The following ZFP64 variants were observed in gnomAD, a reference collection of about 807,000 sequenced individuals.
ZFP64 encodes ZFP64 zinc finger protein, also known as zinc finger protein 64.
In ZFP64, 14 loss-of-function variants were observed where a neutral mutation model predicts 51.6. The ratio of observed to expected loss-of-function variants is 0.27; its 90% confidence interval spans 0.18 to 0.42. The LOEUF is 0.42. ZFP64 is among the 10% of genes least tolerant of loss of function. The probability of loss-of-function intolerance (pLI) is 1.00; values close to 1 mark genes in which losing one functional copy is unlikely to be tolerated. For synonymous variants in ZFP64, 375 were observed against 361.4 expected, an observed-to-expected ratio of 1.04 and a Z score of -0.43; for missense variants, 754 against 906.8, an observed-to-expected ratio of 0.83 and a Z score of 2.16.
chr20:52,098,694 A>C, intron 5 of ZFP64: 1 of 1,444,032 alleles, frequency 6.9e-7, no homozygotes, highest in Non-Finnish European at 9.4e-7. Flanking sequence ...CCTTTCCAGA[A>C]AAAATTTAAA....
At chr20:52,145,655 A>G (rs965226047) in intron 5 of ZFP64, among the ~76,000 whole-genome samples, 3 of 152,186 alleles carry the variant, frequency 2.0e-5, no homozygotes, top group Non-Finnish European at 2.9e-5. Context: ...AAAACAAAAC[A>G]AAACAAAAGT....
rs116660904 is a variant in ZFP64 at position 52,183,145 on chromosome 20, G to A, written c.286+3687C>T. On this transcript the variant is annotated intron_variant, in intron 2 of 5. Transcript: ENST00000216923. ...CATCATGGCTGCTGCAATATAGAGGGGAGAGAAGGGGATTGTCCCCAGGAA... is the reference window on the plus strand; with the variant it reads ...CATCATGGCTGCTGCAATATAGAGGAGAGAGAAGGGGATTGTCCCCAGGAA... Among the ~76,000 whole-genome samples, 1,293 of 152,250 alleles carry A rather than the reference G, an allele frequency of 8.5e-3. 22 individuals are homozygous for A. The highest frequency in any genetic ancestry group is 0.03 in the African/African-American group (1,229 of 41,536).
intron 7 of ZFP64, among the ~76,000 whole-genome samples, chr20:52,090,047 G>A (rs1486400089): frequency 1.3e-5 from 2 of 152,078 alleles, no homozygotes; most frequent in South Asian, 2.1e-4. Context: ...AGGACAAGGG[G>A]GAAAAGACGC....
intron 5 of ZFP64, among the ~76,000 whole-genome samples, chr20:52,158,708 AAAAG>A (rs1326235159): frequency 4.6e-5 from 7 of 151,994 alleles, no homozygotes; most frequent in African/African-American, 1.2e-4. Context: ...TCCATCTCAA[AAAAG>A]AAAGAAAGAA....
At chr20:52,181,691 T>C (rs1014430358) in intron 2 of ZFP64, among the ~76,000 whole-genome samples, 6 of 152,080 alleles carry the variant, frequency 3.9e-5, no homozygotes, top group African/African-American at 1.2e-4. Context: ...CTGGCTGAGA[T>C]CCGGAATCCC....
At chr20:52,124,416 G>C (rs1192136213) in intron 5 of ZFP64, among the ~76,000 whole-genome samples, 1 of 151,946 alleles carries the variant, frequency 6.6e-6, no homozygotes, top group Non-Finnish European at 1.5e-5. Flanking sequence ...TGAAATCTTT[G>C]AATTTTTTTT....
chr20:52,172,679 G>A (rs2038431), intron 2 of ZFP64, among the ~76,000 whole-genome samples: 45,158 of 151,576 alleles, frequency 0.3, 7,033 homozygotes, highest in East Asian at 0.43. Context: ...CACCGAGAAT[G>A]CAGCACGGGC....
intron 5 of ZFP64, among the ~76,000 whole-genome samples, chr20:52,140,510 T>C (rs1483117209): frequency 6.6e-6 from 1 of 152,220 alleles, no homozygotes; most frequent in Non-Finnish European, 1.5e-5. Flanking sequence ...AGCCACGACA[T>C]TGTCTTCAGC....
Position 52,085,292 on chromosome 20 carries a change from T to C in ZFP64, c.1229-26A>G, listed in dbSNP as rs1213861822. 3.2e-6 allele frequency: 5 copies of C among 1,579,100 alleles called. No individual in the cohort carries two copies. The highest frequency in any genetic ancestry group is 2.3e-5 in the East Asian group (1 of 44,360). On this transcript the variant is annotated intron_variant, in intron 8 of 8. Transcript: ENST00000361387. The surrounding 1 kb of genome is among the most constrained non-coding windows in gnomAD (Gnocchi z 4.3). ...CTAGCAATGGAAGGTGTGTTTCCAT[T>C]AGAACAGGCAGGCAAAACAGACCCT...
chr20:52,166,876 CA>C (rs962343295), intron 2 of ZFP64, among the ~76,000 whole-genome samples: 1 of 151,736 alleles, frequency 6.6e-6, no homozygotes, highest in Non-Finnish European at 1.5e-5. Context: ...AATGAAACAC[CA>C]AAAAGGAACG....
chr20:52,096,892 G>GA (rs558659752), intron 7 of ZFP64: 169 of 354,388 alleles, frequency 4.8e-4, no homozygotes, highest in African/African-American at 3.5e-3. Flanking sequence ...CTGTCTCAGA[G>GA]AAAAAAACAA....
chr20:52,160,745 A>G lies in ZFP64; in HGVS notation c.512-371T>C, dbSNP rs1159200105. ...TTTTCACAACAGAGATGCACCGTAA[A>G]ATTTAGAATACCTAAGTTTCAGCAG... is the stretch of plus-strand genomic sequence containing the variant. On this transcript the variant is annotated intron_variant, in intron 4 of 5. Transcript: ENST00000216923. This position sits in a 1 kb window ranked among gnomAD's most constrained non-coding sequence, Gnocchi z 4.2. Among the ~76,000 whole-genome samples the G allele has an allele frequency of 6.6e-6, 1 of 152,138 alleles. No individual in the cohort carries two copies. The highest frequency in any genetic ancestry group is 1.5e-5 in the Non-Finnish European group (1 of 68,022).
At chr20:52,165,393 A>G (rs1982171244) in intron 3 of ZFP64, 1 of 453,886 alleles carries the variant, frequency 2.2e-6, no homozygotes, top group Non-Finnish European at 4.4e-6. Context: ...CTATACTTGT[A>G]TATATATTTG....
At chr20:52,178,800 T>A (rs1442169704) in intron 2 of ZFP64, among the ~76,000 whole-genome samples, 2 of 152,142 alleles carry the variant, frequency 1.3e-5, no homozygotes, top group African/African-American at 4.8e-5. Flanking sequence ...CCCCCTGACT[T>A]TCCCAGTTGG....
Position 52,104,957 on chromosome 20 carries a change from T to C in ZFP64, c.764-6370A>G, listed in dbSNP as rs570149566. The C allele has an allele frequency of 2.8e-4, 204 of 723,858 alleles. 2 individuals are homozygous for C. The South Asian group carries it at 3.7e-3, about 13-fold the overall frequency. The allele number at this position is 723,858 out of a possible 1,614,324, so 44.8% of individuals were successfully genotyped here. On this transcript the variant is annotated intron_variant, in intron 5 of 8. Coordinates refer to the ZFP64 transcript ENST00000361387. ...AAGGGGACGGTGGACTCCAGGAGAG[T>C]GTAATTTACAAAGGCGGGGGGCGGG...
At chr20:52,125,682 T>C (rs1472242962) in intron 5 of ZFP64, among the ~76,000 whole-genome samples, 1 of 152,124 alleles carries the variant, frequency 6.6e-6, no homozygotes, top group Non-Finnish European at 1.5e-5. Flanking sequence ...GGTGGGTCAC[T>C]ATCTTCCACT....
At chr20:52,176,683 G>C (rs1168165816) in intron 2 of ZFP64, among the ~76,000 whole-genome samples, 8 of 151,146 alleles carry the variant, frequency 5.3e-5, no homozygotes, top group African/African-American at 2.0e-4. Flanking sequence ...CTAATTTTTT[G>C]TATTTTTAGT....
chr20:52,146,055 T>G (rs989466536), intron 5 of ZFP64, among the ~76,000 whole-genome samples: 1 of 152,170 alleles, frequency 6.6e-6, no homozygotes, highest in Admixed American at 6.5e-5. Flanking sequence ...CTATTTTATT[T>G]TTTTCTTTTA....
chr20:52,175,234 T>A (rs1983089360), intron 2 of ZFP64, among the ~76,000 whole-genome samples: 1 of 152,200 alleles, frequency 6.6e-6, no homozygotes. Context: ...GTGATTCTCC[T>A]GCCTAAGCTT....
Sources: allele counts gnomAD v4.1 joint callset (sites outside exome capture counted in the v4.1 genomes callset), GRCh38; gene constraint gnomAD v4.1.1; non-coding constraint Gnocchi (gnomAD v3.1); transcripts MANE v1.5; gene names NCBI Gene and HGNC (gene_info 2026-07-23, HGNC 2026-07-21).